The following MYO3B variants were observed in gnomAD, a reference collection of about 807,000 sequenced individuals.
The protein encoded by MYO3B is myosin IIIB.
A neutral mutation model predicts 174.6 loss-of-function variants in MYO3B; 156 were observed. The observed-to-expected ratio is 0.89, with a 90% CI of 0.78 to 1.02. The LOEUF (loss-of-function observed/expected upper bound fraction) is 1.02, where lower values mean the gene tolerates loss of function less well. Among genes scored for constraint, MYO3B ranks in the 50% least tolerant of loss-of-function variants. The pLI is 0.00. For synonymous variants in MYO3B, 563 were observed against 569.1 expected (o/e 0.99, Z 0.15); for missense variants, 1,632 against 1,639.4 (o/e 1.00, Z 0.08).
intron 25 of MYO3B, among the ~76,000 whole-genome samples, chr2:170,480,056 T>A (rs1359174526): frequency 3.3e-5 from 5 of 150,044 alleles, no homozygotes; most frequent in Non-Finnish European, 5.9e-5. Flanking sequence ...TATATATATA[T>A]ATAAAATAAC....
chr2:170,482,151 T>A (rs917552926), intron 25 of MYO3B, among the ~76,000 whole-genome samples: 2 of 148,438 alleles, frequency 1.3e-5, no homozygotes. Context: ...CCTGCACAAG[T>A]TCTCTCTCTT....
intron 23 of MYO3B, among the ~76,000 whole-genome samples, chr2:170,453,711 T>C (rs1389662905): frequency 6.6e-6 from 1 of 152,188 alleles, no homozygotes; most frequent in East Asian, 1.9e-4. Context: ...TGCAAGATGC[T>C]GCCCGATAGT....
At chr2:170,532,121 T>C (rs1451461442) in intron 30 of MYO3B, among the ~76,000 whole-genome samples, 1 of 152,150 alleles carries the variant, frequency 6.6e-6, no homozygotes, top group African/African-American at 2.4e-5. Context: ...CCTCCTGTTA[T>C]GATGTATTGA....
chr2:170,491,433 AC>A (rs1303664049), intron 25 of MYO3B, among the ~76,000 whole-genome samples: 3 of 145,400 alleles, frequency 2.1e-5, no homozygotes, highest in African/African-American at 7.7e-5. Flanking sequence ...TAATTAATTA[AC>A]TTTTTTTTTA....
At chr2:170,309,241 T>C (rs1048452459) in intron 7 of MYO3B, among the ~76,000 whole-genome samples, 4 of 152,242 alleles carry the variant, frequency 2.6e-5, no homozygotes, top group African/African-American at 9.6e-5. Context: ...ACAATTTGAA[T>C]TGGTATCTCT....
At chr2:170,362,758 G>A (rs1247402866) in intron 8 of MYO3B, among the ~76,000 whole-genome samples, 2 of 152,176 alleles carry the variant, frequency 1.3e-5, no homozygotes, top group Non-Finnish European at 2.9e-5. Flanking sequence ...AGCATCAAAT[G>A]TGATATTCAG....
rs765608023 is a variant in MYO3B at position 170,501,884 on chromosome 2, TCA to T, written c.3370+22_3370+23del. The stretch of plus-strand genomic sequence containing the variant: ...CAAGCAGGTAATTAAAACATCATTT[TCA>T]CAGTGTCCACTTGAAAATATTCTGT... On this transcript the variant is annotated intron_variant, in intron 28 of 34. Coordinates refer to ENST00000408978, the MANE Select transcript of MYO3B (RefSeq NM_138995.5). 2.3e-5 allele frequency: 35 copies of T among 1,513,196 alleles called. No individual in the cohort carries two copies. The highest frequency in any genetic ancestry group is 6.8e-5 in the Admixed American group (4 of 59,174). The allele number at this position is 1,513,196 out of a possible 1,614,324, so 93.7% of individuals were successfully genotyped here. A position where few individuals can be genotyped will look rare whatever the true frequency, so the allele number is the denominator to read the frequency against.
At chr2:170,318,524 G>A (rs1279032649) in intron 7 of MYO3B, among the ~76,000 whole-genome samples, 1 of 152,174 alleles carries the variant, frequency 6.6e-6, no homozygotes, top group Non-Finnish European at 1.5e-5. Context: ...TGGAAGCTAG[G>A]ATGCTGATGT....
At chr2:170,464,118 G>A (rs1448161739) in intron 24 of MYO3B, among the ~76,000 whole-genome samples, 1 of 152,156 alleles carries the variant, frequency 6.6e-6, no homozygotes, top group Non-Finnish European at 1.5e-5. Context: ...TTGGGAGGCT[G>A]AGGCAGGCGC....
At chr2:170,381,917 A>T in intron 9 of MYO3B, 99 bp from the exon 10 acceptor site, 2 of 963,258 alleles carry the variant, frequency 2.1e-6, no homozygotes, top group East Asian at 2.6e-5. Context: ...GTCTCTGAAC[A>T]TATCACGTGA....
intron 32 of MYO3B, among the ~76,000 whole-genome samples, chr2:170,587,431 C>T (rs1693555866): frequency 6.6e-6 from 1 of 152,110 alleles, no homozygotes; most frequent in South Asian, 2.1e-4. Flanking sequence ...AGTGACTGAC[C>T]TCGAAATAAA....
intron 24 of MYO3B, 123 bp from the exon 25 acceptor site, chr2:170,466,383 C>A: frequency 4.8e-6 from 4 of 827,410 alleles, no homozygotes; most frequent in Non-Finnish European, 7.8e-6. Flanking sequence ...TTGCTGATTT[C>A]ATGTTCTTCC....
chr2:170,530,705 T>C (rs1689301733), intron 30 of MYO3B, among the ~76,000 whole-genome samples: 1 of 152,218 alleles, frequency 6.6e-6, no homozygotes, highest in South Asian at 2.1e-4. Flanking sequence ...TATTCTCAGA[T>C]CCAACTGTGC....
intron 8 of MYO3B, chr2:170,338,069 C>T (rs529738442): frequency 4.6e-5 from 7 of 152,274 alleles, no homozygotes; most frequent in Admixed American, 4.6e-4. Context: ...TTCCTTATGG[C>T]AAATCCTATT....
At chr2:170,419,603 G>A (rs2094602580) in intron 22 of MYO3B, among the ~76,000 whole-genome samples, 2 of 152,318 alleles carry the variant, frequency 1.3e-5, no homozygotes, top group African/African-American at 4.8e-5. Flanking sequence ...TTGGGTAGCT[G>A]TTAAGTGTGA....
chr2:170,580,112 A>C (rs952372381), intron 32 of MYO3B, among the ~76,000 whole-genome samples: 5 of 152,248 alleles, frequency 3.3e-5, no homozygotes, highest in Non-Finnish European at 7.3e-5. Flanking sequence ...TTAGAGTTAA[A>C]AAGAATGCAG....
intron 34 of MYO3B, 79 bp downstream of exon 34, chr2:170,652,233 T>C: frequency 7.7e-7 from 1 of 1,290,890 alleles, no homozygotes; most frequent in Non-Finnish European, 1.1e-6. Flanking sequence ...TGCAAAACTT[T>C]CCAGAGAGGC....
At chr2:170,646,396 GT>G (rs978695950) in intron 32 of MYO3B, among the ~76,000 whole-genome samples, 1 of 151,382 alleles carries the variant, frequency 6.6e-6, no homozygotes, top group South Asian at 2.1e-4. Flanking sequence ...TTTTTTCTGG[GT>G]TTTTTTCTTT....
intron 32 of MYO3B, among the ~76,000 whole-genome samples, chr2:170,632,535 G>T (rs1697091265): frequency 6.6e-6 from 1 of 152,130 alleles, no homozygotes. Context: ...AAGCAGGAAA[G>T]ATCTAAAATT....
Sources: allele counts gnomAD v4.1 joint callset (sites outside exome capture counted in the v4.1 genomes callset), GRCh38; gene constraint gnomAD v4.1.1; transcripts MANE v1.5; gene names NCBI Gene and HGNC (gene_info 2026-07-23, HGNC 2026-07-21).